The following KCNT2 variants were observed in gnomAD, a reference collection of about 807,000 sequenced individuals.
The protein encoded by KCNT2 is potassium sodium-activated channel subfamily T member 2, also known as potassium channel subfamily T member 2.
Under a neutral mutation model 153.8 loss-of-function variants are expected in KCNT2, and 67 were observed. The observed-to-expected ratio is 0.44, with a 90% CI of 0.36 to 0.53. The LOEUF (loss-of-function observed/expected upper bound fraction) is 0.53, where lower values mean the gene tolerates loss of function less well. Among genes scored for constraint, KCNT2 ranks in the 20% least tolerant of loss-of-function variants. KCNT2 has a pLI of 0.00. For synonymous variants in KCNT2, 500 were observed against 458.8 expected, an observed-to-expected ratio of 1.09 and a Z score of -1.15; for missense variants, 975 against 1,354.8, an observed-to-expected ratio of 0.72 and a Z score of 4.40.
chr1:196,468,069 G>A lies in KCNT2; in HGVS notation c.460-283C>T, dbSNP rs1677768196. Among the ~76,000 whole-genome samples, 4 of 152,082 alleles carry A rather than the reference G, an allele frequency of 2.6e-5. No homozygotes were observed. The South Asian group carries it at 8.3e-4, about 31-fold the overall frequency. ...TAATTATATCATTGAATCTTTTAGT[G>A]TGATGGTTTGTAATAGACATTGACT... is the stretch of plus-strand genomic sequence containing the variant. On this transcript the variant is annotated intron_variant, in intron 6 of 27. Coordinates refer to ENST00000294725, the MANE Select transcript of KCNT2 (RefSeq NM_198503.5).
intron 8 of KCNT2, among the ~76,000 whole-genome samples, chr1:196,449,960 T>C (rs1676014133): frequency 6.6e-6 from 1 of 151,792 alleles, no homozygotes; most frequent in Admixed American, 6.6e-5. Flanking sequence ...AGCTCTGACG[T>C]TGACTATGGT....
intron 20 of KCNT2, chr1:196,317,208 C>T: frequency 2.2e-6 from 1 of 449,886 alleles, no homozygotes; most frequent in South Asian, 1.6e-5. Context: ...AGGAGTAGTC[C>T]AGAAAAAATA....
chr1:196,334,896 GA>G (rs908955829), intron 16 of KCNT2, among the ~76,000 whole-genome samples: 7 of 151,962 alleles, frequency 4.6e-5, no homozygotes, highest in African/African-American at 1.7e-4. Context: ...TTTTTGACCT[GA>G]AATACAATAA....
chr1:196,529,544 T>C (rs958065486), intron 1 of KCNT2, among the ~76,000 whole-genome samples: 3 of 152,104 alleles, frequency 2.0e-5, no homozygotes, highest in Non-Finnish European at 4.4e-5. Context: ...ACTCCTTTCA[T>C]CCAGTAGCAT....
chr1:196,512,773 A>G (rs1287475327), intron 1 of KCNT2, among the ~76,000 whole-genome samples: 2 of 152,184 alleles, frequency 1.3e-5, no homozygotes, highest in Admixed American at 6.6e-5. Context: ...AAAAATGGAA[A>G]TATTGAACCC....
chr1:196,232,052 A>G (rs1654003533), intron 27 of KCNT2, among the ~76,000 whole-genome samples: 1 of 151,828 alleles, frequency 6.6e-6, no homozygotes, highest in African/African-American at 2.4e-5. Flanking sequence ...TTCACAAAAT[A>G]TACTCCTTAA....
intron 11 of KCNT2, among the ~76,000 whole-genome samples, chr1:196,424,093 C>T (rs1673443734): frequency 6.6e-6 from 1 of 151,830 alleles, no homozygotes; most frequent in African/African-American, 2.4e-5. Context: ...GACCAGATAG[C>T]TACCTCTCTC....
intron 1 of KCNT2, among the ~76,000 whole-genome samples, chr1:196,558,446 T>A (rs1416300301): frequency 6.6e-6 from 1 of 150,666 alleles, no homozygotes; most frequent in Non-Finnish European, 1.5e-5. Flanking sequence ...TGGGGGGTGT[T>A]TTTTACTTGT....
chr1:196,471,070 AT>A (rs983644614), intron 5 of KCNT2, among the ~76,000 whole-genome samples: 52 of 146,104 alleles, frequency 3.6e-4, no homozygotes, highest in Non-Finnish European at 2.9e-4. Context: ...TCTTTTTTTA[AT>A]TTTTTTTTTG....
At position 196,369,072 on chromosome 1, in the gene KCNT2, C is replaced by T. The variant is rs142197671; in HGVS notation, c.1403+4068G>A. On this transcript the variant is annotated intron_variant, in intron 14 of 27. Transcript: ENST00000294725. ...TCTTATCAATTCTCTCTTTTTCTTA[C>T]CCCTCGATTATTACTGAGGTGAAAA... Among the ~76,000 whole-genome samples the T allele has an allele frequency of 4.1e-3, 631 of 152,140 alleles. 1 individual carries two copies. Among genetic ancestry groups the T allele is most frequent in the African/African-American group, 0.014 (591 of 41,502 alleles).
At chr1:196,362,170 T>A (rs1250928205) in intron 14 of KCNT2, among the ~76,000 whole-genome samples, 1 of 152,060 alleles carries the variant, frequency 6.6e-6, no homozygotes, top group African/African-American at 2.4e-5. Flanking sequence ...TAATCCCTAT[T>A]ACTTTTGAGA....
chr1:196,412,875 A>C (rs1242558020), intron 12 of KCNT2, among the ~76,000 whole-genome samples: 3 of 151,726 alleles, frequency 2.0e-5, no homozygotes, highest in African/African-American at 7.2e-5. Context: ...AACAAAAGGT[A>C]AATAGTATCA....
intron 22 of KCNT2, 47 bp downstream of exon 22, chr1:196,305,187 G>T (rs552835469): frequency 1.8e-6 from 2 of 1,092,590 alleles, no homozygotes; most frequent in Non-Finnish European, 2.8e-6. Context: ...GTTAATTTCT[G>T]AATAAAGATG....
At chr1:196,510,442 A>G (rs1299554211) in intron 1 of KCNT2, among the ~76,000 whole-genome samples, 1 of 152,134 alleles carries the variant, frequency 6.6e-6, no homozygotes, top group African/African-American at 2.4e-5. Context: ...CTTATATTAT[A>G]CACATCAAAT....
At chr1:196,382,916 T>C (rs992807120) in intron 13 of KCNT2, among the ~76,000 whole-genome samples, 4 of 151,574 alleles carry the variant, frequency 2.6e-5, no homozygotes, top group Non-Finnish European at 4.4e-5. Flanking sequence ...TTTCCAGGAG[T>C]GCCAGTCAAG....
chr1:196,486,369 GAA>G (rs1437837888), intron 3 of KCNT2, among the ~76,000 whole-genome samples: 4 of 151,840 alleles, frequency 2.6e-5, no homozygotes, highest in African/African-American at 9.7e-5. Context: ...TAGTTATTCT[GAA>G]TTAGACTGTC....
chr1:196,535,330 C>T (rs912508052), intron 1 of KCNT2, among the ~76,000 whole-genome samples: 2 of 152,144 alleles, frequency 1.3e-5, no homozygotes, highest in Admixed American at 6.5e-5. Context: ...AGCTGTTACA[C>T]ATTGTAAAAG....
intron 11 of KCNT2, among the ~76,000 whole-genome samples, chr1:196,424,374 C>A (rs1293235567): frequency 6.6e-6 from 1 of 151,534 alleles, no homozygotes; most frequent in Non-Finnish European, 1.5e-5. Context: ...AACTATCATA[C>A]AATAAATTAA....
intron 1 of KCNT2, among the ~76,000 whole-genome samples, chr1:196,518,344 A>G (rs758952059): frequency 2.0e-5 from 3 of 152,086 alleles, no homozygotes; most frequent in Non-Finnish European, 4.4e-5. Context: ...CTACAAAACA[A>G]CCACACAAAA....
Sources: gnomAD v4.1 joint callset for allele counts (sites outside exome capture counted in the v4.1 genomes callset) on GRCh38, gnomAD v4.1.1 for gene constraint, MANE v1.5 for transcripts, NCBI Gene and HGNC (gene_info 2026-07-23, HGNC 2026-07-21) for gene names.